The following IMMP1L variants were observed in gnomAD, a reference collection of about 807,000 sequenced individuals.
IMMP1L encodes the protein mitochondrial inner membrane protease subunit 1.
Under a neutral mutation model 21.8 loss-of-function variants are expected in IMMP1L, and 24 were observed. That is an observed-to-expected ratio of 1.10 (90% confidence interval 0.80 to 1.55). IMMP1L has a LOEUF of 1.55. Ranked by LOEUF, IMMP1L falls within the 40% of genes most tolerant of loss-of-function variation. The pLI, the probability that IMMP1L is intolerant of heterozygous loss-of-function variation, is 0.00. For synonymous variants in IMMP1L, 46 were observed against 62.8 expected (o/e 0.73, Z 1.26); for missense variants, 195 against 200.7 (o/e 0.97, Z 0.17).
At chr11:31,444,813 G>A (rs371315793) in intron 4 of IMMP1L, among the ~76,000 whole-genome samples, 1 of 152,024 alleles carries the variant, frequency 6.6e-6, no homozygotes, top group Non-Finnish European at 1.5e-5. Flanking sequence ...ACTTAAATGG[G>A]CATGCTCATC....
intron 4 of IMMP1L, among the ~76,000 whole-genome samples, chr11:31,443,829 T>C (rs1953421555): frequency 6.6e-6 from 1 of 152,150 alleles, no homozygotes; most frequent in Admixed American, 6.6e-5. Context: ...AAAGAGGAAT[T>C]TACACAAAAG....
intron 1 of IMMP1L, among the ~76,000 whole-genome samples, chr11:31,484,435 T>A (rs1002481200): frequency 2.0e-5 from 3 of 151,884 alleles, no homozygotes; most frequent in Admixed American, 2.0e-4. Flanking sequence ...CAAATGTTCA[T>A]ATAGAAAAAA....
intron 1 of IMMP1L, among the ~76,000 whole-genome samples, chr11:31,480,050 GT>G (rs1413106061): frequency 6.6e-6 from 1 of 151,912 alleles, no homozygotes; most frequent in Non-Finnish European, 1.5e-5. Context: ...GTAAATACAG[GT>G]TTTTAAAAAA....
intron 4 of IMMP1L, among the ~76,000 whole-genome samples, chr11:31,440,544 C>T (rs1425176641): frequency 1.3e-5 from 2 of 152,144 alleles, no homozygotes; most frequent in African/African-American, 4.8e-5. Flanking sequence ...GCATGCACCA[C>T]CATGCCCAGC....
At chr11:31,494,440 GGCCCT>G (rs1234089210) in intron 1 of IMMP1L, among the ~76,000 whole-genome samples, 2 of 152,180 alleles carry the variant, frequency 1.3e-5, no homozygotes, top group African/African-American at 2.4e-5. Context: ...GGCAACCCTG[GGCCCT>G]GCCCAGGAAA....
At chr11:31,475,366 T>G (rs1040677338) in intron 1 of IMMP1L, among the ~76,000 whole-genome samples, 2 of 152,202 alleles carry the variant, frequency 1.3e-5, no homozygotes, top group Non-Finnish European at 2.9e-5. Flanking sequence ...GGAAGAATAT[T>G]AATTCAAAAA....
At chr11:31,466,296 C>A (rs1450466415) in intron 1 of IMMP1L, among the ~76,000 whole-genome samples, 1 of 151,976 alleles carries the variant, frequency 6.6e-6, no homozygotes, top group Non-Finnish European at 1.5e-5. Context: ...AATTCATATA[C>A]CCTGTTAGTG....
At chr11:31,457,573 C>G (rs944134137) in intron 3 of IMMP1L, among the ~76,000 whole-genome samples, 1 of 151,944 alleles carries the variant, frequency 6.6e-6, no homozygotes, top group Admixed American at 6.6e-5. Context: ...AATCAGAAAC[C>G]TAATAACTGC....
chr11:31,437,981 TG>T (rs759867663), intron 4 of IMMP1L, among the ~76,000 whole-genome samples: 17 of 152,196 alleles, frequency 1.1e-4, no homozygotes, highest in Non-Finnish European at 2.5e-4. Flanking sequence ...TCTATGAAAC[TG>T]GAGGTGGATA....
chr11:31,456,152 T>C lies in IMMP1L; in HGVS notation c.321+108A>G, dbSNP rs571547894. 4.6e-5 allele frequency: 34 copies of C among 735,886 alleles called. No homozygotes were observed. In the South Asian group the frequency reaches 8.1e-4, roughly 17 times the overall value. 45.6% of individuals were successfully genotyped at this position (735,886 alleles called of 1,614,324 possible). On this transcript the variant is annotated intron_variant, in intron 4 of 5. Transcript: ENST00000532287. ...AACATTTAAATTCTACTGGATGCCC[T>C]TTTTTCTTACATTCAAAATATGAAT...
intron 1 of IMMP1L, among the ~76,000 whole-genome samples, chr11:31,493,432 G>GTTA (rs1377526703): frequency 1.3e-5 from 2 of 152,126 alleles, no homozygotes; most frequent in African/African-American, 4.8e-5. Flanking sequence ...CCATGATTCA[G>GTTA]TTACCTCCTA....
At chr11:31,455,693 C>G (rs983209310) in intron 4 of IMMP1L, among the ~76,000 whole-genome samples, 5 of 152,094 alleles carry the variant, frequency 3.3e-5, no homozygotes, top group Admixed American at 3.3e-4. Flanking sequence ...TCAATCTTTC[C>G]ATGTTTTTTA....
intron 1 of IMMP1L, among the ~76,000 whole-genome samples, chr11:31,497,768 T>C (rs1299251014): frequency 1.3e-5 from 2 of 152,176 alleles, no homozygotes; most frequent in Non-Finnish European, 2.9e-5. Flanking sequence ...TATTTCTTCT[T>C]GAATGATGAA....
chr11:31,448,712 T>G (rs965671389), intron 4 of IMMP1L, among the ~76,000 whole-genome samples: 53 of 152,136 alleles, frequency 3.5e-4, no homozygotes, highest in African/African-American at 1.3e-3. Context: ...CATATACATA[T>G]AAAATATACT....
At chr11:31,465,503 C>A (rs1454162070) in intron 1 of IMMP1L, among the ~76,000 whole-genome samples, 1 of 151,818 alleles carries the variant, frequency 6.6e-6, no homozygotes, top group African/African-American at 2.4e-5. Context: ...CAATATTGAG[C>A]AAAATGAATA....
At chr11:31,506,421 G>A (rs1420003216) in intron 1 of IMMP1L, among the ~76,000 whole-genome samples, 1 of 151,106 alleles carries the variant, frequency 6.6e-6, no homozygotes, top group African/African-American at 2.4e-5. Flanking sequence ...TAGTAGAGAC[G>A]GGGTTTCACC....
At chr11:31,497,174 G>C (rs1039365461) in intron 1 of IMMP1L, among the ~76,000 whole-genome samples, 2 of 151,156 alleles carry the variant, frequency 1.3e-5, no homozygotes, top group Non-Finnish European at 2.9e-5. Flanking sequence ...ACTTAAATTG[G>C]GTTTATCAGG....
At chr11:31,444,762 G>C (rs1409119716) in intron 4 of IMMP1L, among the ~76,000 whole-genome samples, 2 of 151,898 alleles carry the variant, frequency 1.3e-5, no homozygotes, top group Admixed American at 1.3e-4. Context: ...GCTAATTTTT[G>C]TATTTTTAGT....
In IMMP1L at chr11:31,432,402, G is replaced by T; in HGVS notation, c.*98C>A. On this transcript the variant is annotated 3_prime_UTR_variant, in exon 6 of 6. Coordinates refer to ENST00000532287, the MANE Select transcript of IMMP1L (RefSeq NM_001304274.2). ...TTAACAATTAAAAACAACTAAAACT[G>T]AATAGCAAATAGTTTATTGGTAAGT... is the stretch of plus-strand genomic sequence containing the variant. 1.3e-6 allele frequency: 1 copy of T among 792,926 alleles called. No homozygotes were observed. The highest frequency in any genetic ancestry group is 2.6e-5 in the East Asian group (1 of 38,992). 49.1% of individuals were successfully genotyped at this position (792,926 alleles called of 1,614,324 possible).
Sources: allele counts gnomAD v4.1 joint callset (sites outside exome capture counted in the v4.1 genomes callset), GRCh38; gene constraint gnomAD v4.1.1; transcripts MANE v1.5; gene names NCBI Gene and HGNC (gene_info 2026-07-23, HGNC 2026-07-21).